The following CDON variants were observed in gnomAD, a reference collection of about 807,000 sequenced individuals.
The protein encoded by CDON is cell adhesion associated, oncogene regulated, also known as cell adhesion molecule-related/down-regulated by oncogenes.
CDON carries 73 observed loss-of-function variants against 120.9 expected under a neutral mutation model. That is an observed-to-expected ratio of 0.60 (90% CI 0.50 to 0.73). The LOEUF (loss-of-function observed/expected upper bound fraction) is 0.73, where lower values mean the gene tolerates loss of function less well. CDON is among the 30% of genes least tolerant of loss of function. CDON has a pLI of 0.00. For synonymous variants in CDON, 566 were observed against 573.5 expected (o/e 0.99, Z 0.19); for missense variants, 1,470 against 1,587.3 (o/e 0.93, Z 1.26).
chr11:125,965,630 A>G (rs1389038757), intron 18 of CDON, among the ~76,000 whole-genome samples: 2 of 152,216 alleles, frequency 1.3e-5, no homozygotes, highest in African/African-American at 2.4e-5. Flanking sequence ...GGACCCTTGA[A>G]GGGCTACACC....
At chr11:126,035,172 A>C (rs1181516331) in intron 1 of CDON, among the ~76,000 whole-genome samples, 1 of 152,214 alleles carries the variant, frequency 6.6e-6, no homozygotes, top group East Asian at 1.9e-4. Context: ...ATAACAAGGA[A>C]AAAATCCTCA....
rs1946284287 is a variant in CDON at position 125,981,142 on chromosome 11, C to G, written c.3183G>C (p.Val1061=). The G allele has an allele frequency of 6.2e-7, 1 of 1,614,048 alleles. No individual in the cohort carries two copies. Among genetic ancestry groups the G allele is most frequent in the South Asian group, 1.1e-5 (1 of 91,086 alleles). The change falls in exon 17 of 20, where the codon GTG becomes GTC. Residue 1061 remains valine (V), a synonymous_variant. Coordinates refer to ENST00000531738, the MANE Select transcript of CDON (RefSeq NM_001378964.1). The part of the protein sequence containing the change: ...HKVPNAVNGI[V]NGSLNGGLYS... ...AAAGCCCTCCATTTAGGCTCCCATT[C>G]ACAATTCCATTGACTGCATTGGGGA...
At chr11:125,981,519 C>T (rs1424885495) in intron 16 of CDON, among the ~76,000 whole-genome samples, 190 bp from the exon 17 acceptor site, 3 of 152,112 alleles carry the variant, frequency 2.0e-5, no homozygotes, top group Admixed American at 2.0e-4. Context: ...TACAAATAGA[C>T]TAAAATAAAA....
intron 19 of CDON, 23 bp downstream of exon 19, chr11:125,961,701 A>G (rs1210012977): frequency 6.2e-7 from 1 of 1,614,070 alleles, no homozygotes; most frequent in Admixed American, 1.7e-5. Context: ...CTGGAATCCT[A>G]AGGTTGATCA....
chr11:126,009,408 A>G (rs1417651587), intron 8 of CDON, among the ~76,000 whole-genome samples: 1 of 152,198 alleles, frequency 6.6e-6, no homozygotes, highest in Non-Finnish European at 1.5e-5. Flanking sequence ...CGGATGGGCC[A>G]GGGGAGAGGA....
intron 1 of CDON, among the ~76,000 whole-genome samples, chr11:126,030,195 T>A (rs980209192): frequency 2.2e-4 from 34 of 152,360 alleles, no homozygotes; most frequent in African/African-American, 7.7e-4. Flanking sequence ...TACCTCATCT[T>A]AGAATAAGAA....
Position 125,959,961 on chromosome 11 carries a change from G to C in CDON, c.*981C>G, listed in dbSNP as rs1167667579. 6.6e-6 allele frequency: 1 copy of C among 152,124 alleles called. No individual in the cohort carries two copies. The highest frequency in any genetic ancestry group is 1.5e-5 in the Non-Finnish European group (1 of 68,032). 9.4% of individuals were successfully genotyped at this position (152,124 alleles called of 1,614,324 possible). A position where few individuals can be genotyped will look rare whatever the true frequency, so the allele number is the denominator to read the frequency against. ...AGCAGTGGGACATGAGGCATTATTT[G>C]TCTCTCTGGCCTTGGTTCCTTTTCT... On this transcript the variant is annotated 3_prime_UTR_variant, in exon 20 of 20. Transcript: ENST00000531738.
At chr11:125,998,319 T>C (rs1946845953) in intron 11 of CDON, among the ~76,000 whole-genome samples, 1 of 152,116 alleles carries the variant, frequency 6.6e-6, no homozygotes, top group Non-Finnish European at 1.5e-5. Flanking sequence ...GTGAGAGGTG[T>C]CTGTGTCATG....
rs1948610343 is a variant in CDON at position 126,053,307 on chromosome 11, A to G, written c.-62+9272T>C. On this transcript the variant is annotated intron_variant, in intron 1 of 19. Transcript: ENST00000531738. ...GCCCTACTCAGGAGTTTAGTAATCT[A>G]TTAAGAACTATAAAAATACCTCCTC... Among the ~76,000 whole-genome samples, 4 of 152,318 alleles carry G rather than the reference A, an allele frequency of 2.6e-5. No homozygotes were observed. In the South Asian group the frequency reaches 8.3e-4, roughly 32 times the overall value.
intron 1 of CDON, among the ~76,000 whole-genome samples, chr11:126,047,553 G>GAACAGC (rs1202272161): frequency 2.0e-5 from 3 of 152,176 alleles, no homozygotes; most frequent in Admixed American, 6.5e-5. Flanking sequence ...CAGAACAACA[G>GAACAGC]AACAGCAACA....
At chr11:126,012,810 T>C (rs1435438400) in intron 7 of CDON, among the ~76,000 whole-genome samples, 1 of 152,220 alleles carries the variant, frequency 6.6e-6, no homozygotes, top group Non-Finnish European at 1.5e-5. Context: ...GCCATCATAA[T>C]GGCCAGCAAA....
chr11:126,053,188 A>C (rs1948606702), intron 1 of CDON, among the ~76,000 whole-genome samples: 1 of 152,198 alleles, frequency 6.6e-6, no homozygotes, highest in Admixed American at 6.5e-5. Context: ...TGGAAGAAAC[A>C]ATAAAATGAC....
intron 1 of CDON, among the ~76,000 whole-genome samples, chr11:126,053,136 G>A (rs969190052): frequency 5.3e-5 from 8 of 152,100 alleles, no homozygotes; most frequent in Admixed American, 4.6e-4. Context: ...TACTGTAGAA[G>A]AAAACCTGCC....
chr11:125,969,467 C>T (rs1336826117), intron 18 of CDON, among the ~76,000 whole-genome samples: 1 of 152,186 alleles, frequency 6.6e-6, no homozygotes, highest in Non-Finnish European at 1.5e-5. Flanking sequence ...AAAATGCTCT[C>T]ACAATGCACA....
At chr11:126,001,364 A>G (rs1260329032) in intron 11 of CDON, among the ~76,000 whole-genome samples, 2 of 151,766 alleles carry the variant, frequency 1.3e-5, no homozygotes, top group Non-Finnish European at 2.9e-5. Context: ...ATTTTTTTGA[A>G]TTTTTAGTAG....
chr11:126,005,209 C>A (rs956880149), intron 9 of CDON, among the ~76,000 whole-genome samples: 15 of 151,480 alleles, frequency 9.9e-5, no homozygotes, highest in African/African-American at 3.6e-4. Flanking sequence ...GGCTAAGGCA[C>A]GAGAACTGCT....
At chr11:126,054,884 T>C (rs1948647628) in intron 1 of CDON, among the ~76,000 whole-genome samples, 1 of 152,158 alleles carries the variant, frequency 6.6e-6, no homozygotes, top group Non-Finnish European at 1.5e-5. Flanking sequence ...GCAATTATGA[T>C]ACGTATCAGT....
At position 125,968,843 on chromosome 11, in the gene CDON, ATTACT is replaced by A. The variant is rs371351517; in HGVS notation, c.3357-6850_3357-6846del. Among the ~76,000 whole-genome samples the A allele has an allele frequency of 1.0e-3, 159 of 152,338 alleles. 1 individual carries two copies. Among genetic ancestry groups the A allele is most frequent in the African/African-American group, 3.6e-3 (149 of 41,558 alleles). On this transcript the variant is annotated intron_variant, in intron 18 of 19. Coordinates refer to ENST00000531738, the MANE Select transcript of CDON (RefSeq NM_001378964.1). ...AACCAAATGTAAATGATTCAGTTAAATTACTTTTAGTTCAATTCCAGATGTCTACA... is the reference window on the plus strand; with the variant it reads ...AACCAAATGTAAATGATTCAGTTAAATTTAGTTCAATTCCAGATGTCTACA...
chr11:126,036,324 T>C (rs1270236746), intron 1 of CDON, among the ~76,000 whole-genome samples: 1 of 152,134 alleles, frequency 6.6e-6, no homozygotes, highest in Non-Finnish European at 1.5e-5. Context: ...TTCCAAAAAA[T>C]CAAGAACATC....
Sources: gnomAD v4.1 joint callset for allele counts (sites outside exome capture counted in the v4.1 genomes callset) on GRCh38, gnomAD v4.1.1 for gene constraint, MANE v1.5 for transcripts, NCBI Gene and HGNC (gene_info 2026-07-23, HGNC 2026-07-21) for gene names.